The following ITIH3 variants were observed in gnomAD, a reference collection of about 807,000 sequenced individuals.
ITIH3 encodes the protein inter-alpha-trypsin inhibitor heavy chain 3.
In ITIH3, 81 loss-of-function variants were observed where a neutral mutation model predicts 96.5. That is an observed-to-expected ratio of 0.84 (90% CI 0.70 to 1.01). ITIH3 has a LOEUF of 1.01. ITIH3 is among the 50% of genes least tolerant of loss of function. The probability of loss-of-function intolerance (pLI) is 0.00; values close to 1 mark genes in which losing one functional copy is unlikely to be tolerated. For synonymous variants in ITIH3, 422 were observed against 445.2 expected, an observed-to-expected ratio of 0.95 and a Z score of 0.66; for missense variants, 1,057 against 1,139.3, an observed-to-expected ratio of 0.93 and a Z score of 1.04.
In ITIH3 at chr3:52,808,542, C is replaced by G. The variant is rs376809738; in HGVS notation, c.2544-10C>G. The G allele has an allele frequency of 3.7e-6, 6 of 1,612,594 alleles. No individual in the cohort carries two copies. The highest frequency in any genetic ancestry group is 3.4e-6 in the Non-Finnish European group (4 of 1,178,720). On this transcript the variant is annotated splice_polypyrimidine_tract_variant and intron_variant, in intron 21 of 21. Transcript: ENST00000449956. ...CCCCGTGTATTGCAGCATCTCTCTTCTTTCCCCAGGGGCTCCCAGAAAGAC... is the reference window on the plus strand; with the variant it reads ...CCCCGTGTATTGCAGCATCTCTCTTGTTTCCCCAGGGGCTCCCAGAAAGAC...
chr3:52,797,891 C>G lies in ITIH3; in HGVS notation c.624C>G (p.Leu208=). Reference sequence around the variant, plus strand: ...AGGCCTCTTTCATCACCAACGACCTCCTGGGAAGCGCCCTCACCAAGTCCT... The same window carrying G: ...AGGCCTCTTTCATCACCAACGACCTGCTGGGAAGCGCCCTCACCAAGTCCT... ...DAEASFITND[L]LGSALTKSFS... The change falls in exon 6 of 22, where the codon CTC becomes CTG. Residue 208 remains leucine (L), a synonymous_variant. Coordinates refer to ENST00000449956, the MANE Select transcript of ITIH3 (RefSeq NM_002217.4). 1 of 1,608,330 alleles carries G rather than the reference C, an allele frequency of 6.2e-7. No individual in the cohort carries two copies. The highest frequency in any genetic ancestry group is 2.2e-5 in the East Asian group (1 of 44,758).
intron 4 of ITIH3, 61 bp downstream of exon 4, chr3:52,796,904 C>T (rs181081415): frequency 8.0e-7 from 1 of 1,243,194 alleles, no homozygotes; most frequent in African/African-American, 1.5e-5. Context: ...TTCAGGGCTA[C>T]AAACAACAAC....
rs1559472747 is a variant in ITIH3, at chr3:52,803,297, TATTTATTTA to T, written c.1709+492_1709+500del. Among the ~76,000 whole-genome samples, 12 of 142,122 alleles carry T rather than the reference TATTTATTTA, an allele frequency of 8.4e-5. No homozygotes were observed. In the South Asian group the frequency reaches 2.2e-3, roughly 26 times the overall value. 93.2% of individuals were successfully genotyped at this position (142,122 alleles called of 152,430 possible). On this transcript the variant is annotated intron_variant, in intron 13 of 21. Transcript: ENST00000449956. ...TTATTTATTTATTTATTTATTTATT[TATTTATTTA>T]TTTTATTTTATTATTATTATTTTTT...
intron 2 of ITIH3, chr3:52,796,001 T>C (rs1307786356): frequency 3.9e-6 from 1 of 257,854 alleles, no homozygotes; most frequent in Non-Finnish European, 7.4e-6. Context: ...TCAACACCCC[T>C]ATTGGAAAGA....
At position 52,805,654 on chromosome 3, in the gene ITIH3, T is replaced by A. The variant is rs564142791; in HGVS notation, c.1874-154T>A. 201 of 1,471,972 alleles carry A rather than the reference T, an allele frequency of 1.4e-4. 1 individual carries two copies. The South Asian group carries it at 2.8e-3, about 21-fold the overall frequency. 91.2% of individuals were successfully genotyped at this position (1,471,972 alleles called of 1,614,324 possible). ...AAGGGCTTCCCTGGACGTGCCCGAT[T>A]TCCAAAGCCTAATCTTTGTAGTCAC... On this transcript the variant is annotated intron_variant, in intron 15 of 21. Transcript: ENST00000449956.
At chr3:52,805,750 G>C (rs918018863) in intron 15 of ITIH3, 58 bp from the exon 16 acceptor site, 13 of 1,608,882 alleles carry the variant, frequency 8.1e-6, no homozygotes, top group Non-Finnish European at 1.0e-5. Flanking sequence ...AGGAAGGCAC[G>C]GGGCTGGGGG....
At chr3:52,797,047 C>G (rs1699614391) in intron 4 of ITIH3, 58 bp from the exon 5 acceptor site, 2 of 1,559,026 alleles carry the variant, frequency 1.3e-6, no homozygotes, top group Non-Finnish European at 1.7e-6. Flanking sequence ...GGCCGAGGGC[C>G]GAGGAAGGGT....
In ITIH3 at chr3:52,799,099, G is replaced by C; in HGVS notation, c.789+8G>C. 1 of 1,613,118 alleles carries C rather than the reference G, an allele frequency of 6.2e-7. No individual in the cohort carries two copies. Among genetic ancestry groups the C allele is most frequent in the Non-Finnish European group, 8.5e-7 (1 of 1,179,608 alleles). On this transcript the variant is annotated splice_region_variant and intron_variant, in intron 7 of 21. Transcript: ENST00000449956. The stretch of plus-strand genomic sequence containing the variant: ...TCTCCTGGCAACGTGCAGGTACCCG[G>C]GCTGGCTGATTCATCATCAGGGTGG...
intron 6 of ITIH3, 200 bp from the exon 7 acceptor site, chr3:52,798,766 G>A (rs1325818870): frequency 6.6e-6 from 4 of 605,724 alleles, no homozygotes; most frequent in African/African-American, 1.9e-5. Context: ...GGTAAACAGT[G>A]CCTTCCAGTG....
At chr3:52,808,364 C>A in intron 21 of ITIH3, 143 bp downstream of exon 21, 1 of 1,053,852 alleles carries the variant, frequency 9.5e-7, no homozygotes. Flanking sequence ...CCCTCCCAGG[C>A]TCTTGCTAAT....
Position 52,796,860 on chromosome 3 carries a change from A to G in ITIH3, c.386+17A>G. 1 of 1,549,924 alleles carries G rather than the reference A, an allele frequency of 6.5e-7. No homozygotes were observed. Among genetic ancestry groups the G allele is most frequent in the Non-Finnish European group, 8.8e-7 (1 of 1,137,774 alleles). The stretch of plus-strand genomic sequence containing the variant: ...CTTGGTCAAGTAAGTATGGACTCCC[A>G]GGCCTTGGGGAGAATGTCTGGGATC... On this transcript the variant is annotated intron_variant, in intron 4 of 21. Coordinates refer to ENST00000449956, the MANE Select transcript of ITIH3 (RefSeq NM_002217.4).
intron 11 of ITIH3, among the ~76,000 whole-genome samples, chr3:52,801,593 T>C (rs1159416660): frequency 1.3e-5 from 2 of 152,194 alleles, no homozygotes; most frequent in Non-Finnish European, 2.9e-5. Flanking sequence ...TTTCTAGGCC[T>C]CTTTCCTTTT....
chr3:52,797,973 A>T, intron 6 of ITIH3, 43 bp downstream of exon 6: 1 of 1,182,958 alleles, frequency 8.5e-7, no homozygotes, highest in Non-Finnish European at 1.2e-6. Flanking sequence ...AGGGGACAGG[A>T]ATACTGACTC....
At chr3:52,806,047 G>C (rs1048740415) in intron 16 of ITIH3, 56 bp from the exon 17 acceptor site, 3 of 1,565,844 alleles carry the variant, frequency 1.9e-6, no homozygotes, top group African/African-American at 2.7e-5. Context: ...GGGGGTCGTC[G>C]GGCGCCTCCC....
chr3:52,796,429 C>A (rs544146985), intron 2 of ITIH3, 52 bp from the exon 3 acceptor site: 610 of 1,561,242 alleles, frequency 3.9e-4, no homozygotes, highest in Non-Finnish European at 5.1e-4. Flanking sequence ...GGGTTGCAAA[C>A]CTGCTTCTCC....
chr3:52,795,958 G>A, intron 2 of ITIH3: 1 of 338,224 alleles, frequency 3.0e-6, no homozygotes, highest in Non-Finnish European at 5.4e-6. Context: ...TAGGGGGAGG[G>A]GGCTGGAACA....
intron 8 of ITIH3, 132 bp from the exon 9 acceptor site, chr3:52,799,621 C>T: frequency 9.0e-7 from 1 of 1,110,454 alleles, no homozygotes; most frequent in Non-Finnish European, 1.3e-6. Flanking sequence ...GGCTCACGGC[C>T]TCTGCCCGCT....
chr3:52,799,014 A>G lies in ITIH3; in HGVS notation c.712A>G (p.Thr238Ala). The change falls in exon 7 of 22, where the codon ACC becomes GCC. Residue 238 changes from threonine (T) to alanine (A), a missense_variant. Physicochemically the swap from Thr to Ala is moderately conservative, Grantham distance 58. Coordinates refer to ENST00000449956, the MANE Select transcript of ITIH3 (RefSeq NM_002217.4). ...PSLDQQRSCP[T>A]CTDSLLNGDF... The stretch of plus-strand genomic sequence containing the variant: ...CTTAGACCAACAGCGTTCATGCCCA[A>G]CCTGTACAGACTCCCTCCTCAATGG... 6.2e-7 allele frequency: 1 copy of G among 1,613,656 alleles called. No individual in the cohort carries two copies. The highest frequency in any genetic ancestry group is 8.5e-7 in the Non-Finnish European group (1 of 1,179,752).
At chr3:52,803,270 A>AT (rs1553623740) in intron 13 of ITIH3, among the ~76,000 whole-genome samples, 1 of 40,212 alleles carries the variant, frequency 2.5e-5, no homozygotes, top group South Asian at 4.8e-4. Flanking sequence ...CCCTTATTTT[A>AT]TTTATTTATT....
Sources: allele counts gnomAD v4.1 joint callset (sites outside exome capture counted in the v4.1 genomes callset), GRCh38; gene constraint gnomAD v4.1.1; transcripts MANE v1.5; gene names NCBI Gene and HGNC (gene_info 2026-07-23, HGNC 2026-07-21).